Variants in ELMOD1 observed in about 807,000 individuals in gnomAD.
ELMOD1 encodes the protein ELMO domain-containing protein 1.
In ELMOD1, 21 loss-of-function variants were observed where a neutral mutation model predicts 46.7. That is an observed-to-expected ratio of 0.45 (90% CI 0.32 to 0.65). The LOEUF (loss-of-function observed/expected upper bound fraction) is 0.65. Ranked by LOEUF, ELMOD1 falls within the 30% of genes least tolerant of loss-of-function variation. The probability of loss-of-function intolerance (pLI) is 0.04; values close to 1 mark genes in which losing one functional copy is unlikely to be tolerated. For missense variants in ELMOD1, 348 were observed against 407.8 expected, an observed-to-expected ratio of 0.85 and a Z score of 1.26; for synonymous variants, 122 against 138.2, an observed-to-expected ratio of 0.88 and a Z score of 0.82.
chr11:107,629,096 C>A (rs1258876804), intron 2 of ELMOD1, among the ~76,000 whole-genome samples: 1 of 152,108 alleles, frequency 6.6e-6, no homozygotes, highest in African/African-American at 2.4e-5. Flanking sequence ...TGTATGGTTT[C>A]TTTCCATTTC....
intron 7 of ELMOD1, among the ~76,000 whole-genome samples, chr11:107,648,204 C>T (rs968695050): frequency 5.9e-5 from 9 of 152,152 alleles, no homozygotes; most frequent in African/African-American, 2.2e-4. Context: ...CTACACATTG[C>T]ACTTAGTTAC....
chr11:107,660,478 C>T (rs1866719731), intron 11 of ELMOD1, among the ~76,000 whole-genome samples: 1 of 152,142 alleles, frequency 6.6e-6, no homozygotes, highest in Non-Finnish European at 1.5e-5. Flanking sequence ...AGGGAAAGTA[C>T]AAACGCCAGA....
chr11:107,622,047 A>G (rs1344356563), intron 2 of ELMOD1, among the ~76,000 whole-genome samples: 1 of 152,116 alleles, frequency 6.6e-6, no homozygotes, highest in Non-Finnish European at 1.5e-5. Flanking sequence ...TGAATGTGAG[A>G]CGTCTCTGTT....
chr11:107,630,699 GAA>G lies in ELMOD1; in HGVS notation c.165_166del (p.Glu55AspfsTer7). 1 of 1,608,320 alleles carries G rather than the reference GAA, an allele frequency of 6.2e-7. No homozygotes were observed. Among genetic ancestry groups the G allele is most frequent in the Non-Finnish European group, 8.5e-7 (1 of 1,177,274 alleles). The stretch of plus-strand genomic sequence containing the variant: ...GACTGTTTTTGTTGCTGCTTTCACA[GAA>G]ACATCACTGAGGGATTCTAAAAGTA... ...KPGASRTMKI[E>X]TSLRDSKSKL... On this transcript the variant is annotated frameshift_variant and splice_region_variant, in exon 4 of 12. Coordinates refer to ENST00000265840, the MANE Select transcript of ELMOD1 (RefSeq NM_018712.4). LOFTEE classifies it high-confidence loss of function.
intron 1 of ELMOD1, among the ~76,000 whole-genome samples, chr11:107,610,980 C>T (rs936024727): frequency 5.5e-5 from 7 of 127,554 alleles, no homozygotes; most frequent in African/African-American, 2.0e-4. Context: ...AAATGTAAAA[C>T]CTCAAACTGT....
intron 11 of ELMOD1, among the ~76,000 whole-genome samples, chr11:107,663,613 G>A (rs1866784030): frequency 6.6e-6 from 1 of 152,144 alleles, no homozygotes; most frequent in Non-Finnish European, 1.5e-5. Flanking sequence ...CAAGTAACCA[G>A]AGGGAAGGGT....
chr11:107,664,589 G>C (rs1866807573), intron 11 of ELMOD1, among the ~76,000 whole-genome samples: 1 of 152,134 alleles, frequency 6.6e-6, no homozygotes, highest in Non-Finnish European at 1.5e-5. Flanking sequence ...TGTTTGATTT[G>C]TCGGGGTAAT....
chr11:107,616,532 C>T (rs902543310), intron 1 of ELMOD1, among the ~76,000 whole-genome samples: 2 of 152,064 alleles, frequency 1.3e-5, no homozygotes, highest in Non-Finnish European at 2.9e-5. Flanking sequence ...GCACGCACTA[C>T]CACACCCAGC....
intron 2 of ELMOD1, among the ~76,000 whole-genome samples, chr11:107,627,964 C>T (rs1180532025): frequency 6.6e-6 from 1 of 151,918 alleles, no homozygotes; most frequent in Non-Finnish European, 1.5e-5. Flanking sequence ...TTAGGGAAAG[C>T]TTTTATCTTT....
chr11:107,650,069 G>T (rs948353031), intron 7 of ELMOD1, among the ~76,000 whole-genome samples: 1 of 152,048 alleles, frequency 6.6e-6, no homozygotes, highest in Non-Finnish European at 1.5e-5. Context: ...GGTTCTCTGG[G>T]TAATGGCAAA....
At chr11:107,654,126 T>A in intron 9 of ELMOD1, 46 bp from the exon 10 acceptor site, 1 of 1,483,274 alleles carries the variant, frequency 6.7e-7, no homozygotes, top group Non-Finnish European at 9.2e-7. Context: ...CAAGTACCAA[T>A]TAGAGGTTAA....
In ELMOD1 at chr11:107,617,202, C is replaced by T. The variant is rs188092351; in HGVS notation, c.-85-903C>T. Among the ~76,000 whole-genome samples, 401 of 152,150 alleles carry T rather than the reference C, an allele frequency of 2.6e-3. 1 individual carries two copies. The highest frequency in any genetic ancestry group is 3.1e-3 in the Non-Finnish European group (212 of 67,984). The stretch of plus-strand genomic sequence containing the variant: ...TGTATGGAATATTTACAGAAATAAA[C>T]GTGTTAAATAAGAGACTGGCTTTTA... On this transcript the variant is annotated intron_variant, in intron 1 of 11. Transcript: ENST00000265840.
intron 7 of ELMOD1, among the ~76,000 whole-genome samples, chr11:107,647,889 A>G (rs1156401207): frequency 6.6e-6 from 1 of 152,194 alleles, no homozygotes; most frequent in African/African-American, 2.4e-5. Flanking sequence ...ATTGTAAAGA[A>G]CACCCTTGTA....
chr11:107,625,434 T>G, intron 2 of ELMOD1: 2 of 984,966 alleles, frequency 2.0e-6, no homozygotes, highest in Non-Finnish European at 2.4e-6. Flanking sequence ...ATTAGCACAT[T>G]CATTGAAACT....
intron 1 of ELMOD1, among the ~76,000 whole-genome samples, chr11:107,601,717 A>C (rs890247337): frequency 6.6e-6 from 1 of 152,048 alleles, no homozygotes; most frequent in African/African-American, 2.4e-5. Context: ...AGCCCAGCCT[A>C]TTAATCTTAT....
At chr11:107,615,987 T>A (rs1417920693) in intron 1 of ELMOD1, among the ~76,000 whole-genome samples, 69 of 1,902 alleles carry the variant, frequency 0.036, no homozygotes, top group Non-Finnish European at 0.078. Context: ...GGTTTTTCCT[T>A]TTTTTTTTTT....
At chr11:107,605,058 TTTA>T (rs1865662691) in intron 1 of ELMOD1, among the ~76,000 whole-genome samples, 2 of 152,174 alleles carry the variant, frequency 1.3e-5, no homozygotes. Flanking sequence ...TTATCATGGT[TTTA>T]TTGTGAAATT....
At chr11:107,623,667 C>G (rs1272243496) in intron 2 of ELMOD1, 1 of 152,118 alleles carries the variant, frequency 6.6e-6, no homozygotes, top group Non-Finnish European at 1.5e-5. Context: ...TCTCCAACAC[C>G]CTGGGTGTTT....
At chr11:107,626,717 A>G (rs535059522) in intron 2 of ELMOD1, among the ~76,000 whole-genome samples, 1 of 148,506 alleles carries the variant, frequency 6.7e-6, no homozygotes, top group African/African-American at 2.5e-5. Context: ...TTACAGATCT[A>G]TTTCTTTATT....
Sources: allele counts gnomAD v4.1 joint callset (sites outside exome capture counted in the v4.1 genomes callset), GRCh38; gene constraint gnomAD v4.1.1; transcripts MANE v1.5; gene names NCBI Gene and HGNC (gene_info 2026-07-23, HGNC 2026-07-21).